Variants in C8A observed in about 807,000 individuals in gnomAD.
C8A encodes complement C8 alpha chain.
A neutral mutation model predicts 65.3 loss-of-function variants in C8A; 67 were observed. The ratio of observed to expected loss-of-function variants is 1.03; its 90% confidence interval spans 0.84 to 1.26. C8A has a LOEUF of 1.26. Among genes scored for constraint, C8A ranks in the 50% most tolerant of loss-of-function variants. The pLI is 0.00. For synonymous variants in C8A, 290 were observed against 259.4 expected (o/e 1.12, Z -1.13); for missense variants, 781 against 723.9 (o/e 1.08, Z -0.90).
At chr1:56,875,491 A>T (rs930635587) in intron 3 of C8A, among the ~76,000 whole-genome samples, 10 of 152,174 alleles carry the variant, frequency 6.6e-5, no homozygotes, top group Non-Finnish European at 1.5e-5. Flanking sequence ...TGTGATAGCC[A>T]TGGGCACATG....
intron 1 of C8A, among the ~76,000 whole-genome samples, chr1:56,855,506 G>C (rs1373093619): frequency 6.6e-6 from 1 of 152,106 alleles, no homozygotes; most frequent in Non-Finnish European, 1.5e-5. Context: ...CTATAGAGAT[G>C]CTGGGTCATT....
At chr1:56,877,916 T>C in intron 4 of C8A, among the ~76,000 whole-genome samples, 1 of 152,156 alleles carries the variant, frequency 6.6e-6, no homozygotes, top group East Asian at 1.9e-4. Flanking sequence ...TATAAAAAGA[T>C]GAGAAAATTC....
chr1:56,906,391 C>T (rs1644463906), intron 7 of C8A, among the ~76,000 whole-genome samples: 1 of 152,044 alleles, frequency 6.6e-6, no homozygotes, highest in South Asian at 2.1e-4. Context: ...AGAATTATTG[C>T]CTCAAGGTGG....
chr1:56,875,057 G>T lies in C8A; in HGVS notation c.280G>T (p.Ala94Ser), dbSNP rs1393039255. ...CAGTTCTACAACTTGTGTAAGGCAAGCACAGTGTGGACAGGATTTCCAGTG... is the reference window on the plus strand; with the variant it reads ...CAGTTCTACAACTTGTGTAAGGCAATCACAGTGTGGACAGGATTTCCAGTG... ...CSSSTTCVRQAQCGQDFQCKE... is the reference protein window; with the variant it reads ...CSSSTTCVRQSQCGQDFQCKE... Residue 94 changes from alanine (A) to serine (S), a missense_variant, in exon 3 of 11, where the codon GCA (alanine) becomes TCA (serine). Physicochemically the swap from Ala to Ser is moderately conservative, Grantham distance 99. Coordinates refer to ENST00000361249, the MANE Select transcript of C8A (RefSeq NM_000562.3). 1.9e-6 allele frequency: 3 copies of T among 1,613,694 alleles called. No homozygotes were observed. The highest frequency in any genetic ancestry group is 2.5e-6 in the Non-Finnish European group (3 of 1,179,756).
At chr1:56,911,085 A>C (rs1056951507) in intron 9 of C8A, among the ~76,000 whole-genome samples, 1 of 120,780 alleles carries the variant, frequency 8.3e-6, no homozygotes, top group Non-Finnish European at 1.7e-5. Context: ...TTTTTTTACT[A>C]TTATCACATA....
chr1:56,859,112 C>T (rs1038729992), intron 1 of C8A, among the ~76,000 whole-genome samples: 1 of 152,138 alleles, frequency 6.6e-6, no homozygotes, highest in Admixed American at 6.5e-5. Flanking sequence ...AATGCATAGG[C>T]TTTGGAGTCT....
rs1355159658 is a variant in C8A, at chr1:56,885,441, T to G, written c.856-486T>G. 1.6e-3 allele frequency among the ~76,000 whole-genome samples: 196 copies of G among 123,572 alleles called. 4 individuals carry two copies. Among genetic ancestry groups the G allele is most frequent in the Middle Eastern group, 0.013 (3 of 236 alleles). 81.1% of individuals were successfully genotyped at this position (123,572 alleles called of 152,430 possible). ...ATATATATTTAAATATATATTTAAG[T>G]AAATATATATATATTTCCGTAAATA... On this transcript the variant is annotated intron_variant, in intron 6 of 10. Coordinates refer to ENST00000361249, the MANE Select transcript of C8A (RefSeq NM_000562.3).
intron 10 of C8A, among the ~76,000 whole-genome samples, chr1:56,915,241 T>C (rs971729269): frequency 2.6e-5 from 4 of 152,258 alleles, no homozygotes; most frequent in Admixed American, 6.5e-5. Flanking sequence ...GCCTGTGTCC[T>C]GTGGGAGGTA....
chr1:56,885,784 T>C lies in C8A; in HGVS notation c.856-143T>C, dbSNP rs1644294611. The C allele has an allele frequency of 2.0e-5, 21 of 1,075,282 alleles. No individual in the cohort carries two copies. The South Asian group carries it at 2.7e-4, about 14-fold the overall frequency. The allele number at this position is 1,075,282 out of a possible 1,614,324, so 66.6% of individuals were successfully genotyped here. A position where few individuals can be genotyped will look rare whatever the true frequency, so the allele number is the denominator to read the frequency against. Reference sequence around the variant, plus strand: ...CCAGGATGGTCTCGATCTCCTGACCTTGTGATCCTCCAGCTTCTGCCTCCC... The same window carrying C: ...CCAGGATGGTCTCGATCTCCTGACCCTGTGATCCTCCAGCTTCTGCCTCCC... On this transcript the variant is annotated intron_variant, in intron 6 of 10. Transcript: ENST00000361249.
chr1:56,856,756 A>G (rs940389887), intron 1 of C8A, among the ~76,000 whole-genome samples: 4 of 152,098 alleles, frequency 2.6e-5, no homozygotes, highest in African/African-American at 9.6e-5. Flanking sequence ...GAAGGAAGTT[A>G]TAATCTTCAG....
intron 4 of C8A, among the ~76,000 whole-genome samples, chr1:56,879,827 G>T (rs901966083): frequency 1.3e-5 from 2 of 152,158 alleles, no homozygotes; most frequent in Non-Finnish European, 2.9e-5. Context: ...TCTACAATCT[G>T]CCAGGTGCTC....
intron 7 of C8A, among the ~76,000 whole-genome samples, chr1:56,897,441 A>G (rs1193775516): frequency 1.3e-5 from 2 of 152,204 alleles, no homozygotes; most frequent in Non-Finnish European, 2.9e-5. Flanking sequence ...TAGACTGCTG[A>G]GTTGAAGATT....
At chr1:56,911,580 G>C (rs1168335568) in intron 9 of C8A, among the ~76,000 whole-genome samples, 3 of 152,220 alleles carry the variant, frequency 2.0e-5, no homozygotes, top group African/African-American at 4.8e-5. Context: ...CTGGAAGGGG[G>C]CTGCTGGCAT....
At chr1:56,881,737 T>C in intron 5 of C8A, 103 bp downstream of exon 5, 1 of 1,138,282 alleles carries the variant, frequency 8.8e-7, no homozygotes, top group Non-Finnish European at 1.3e-6. Flanking sequence ...TTGTTTTCTA[T>C]AAAGTTTGCT....
In C8A at chr1:56,868,048, CA is replaced by C. The variant is rs1234870549; in HGVS notation, c.171+349del. Among the ~76,000 whole-genome samples the C allele has an allele frequency of 2.0e-5, 3 of 152,126 alleles. No homozygotes were observed. In the East Asian group the frequency reaches 5.8e-4, roughly 30 times the overall value. On this transcript the variant is annotated intron_variant, in intron 2 of 10. Transcript: ENST00000361249. ...GAAGTAATAGCTTAGAAACAAAATA[CA>C]AAGCTGCCCATGAGGAGATGAGATA... is the stretch of plus-strand genomic sequence containing the variant.
At chr1:56,889,826 C>CA (rs1336901520) in intron 7 of C8A, among the ~76,000 whole-genome samples, 4 of 151,992 alleles carry the variant, frequency 2.6e-5, no homozygotes, top group Non-Finnish European at 5.9e-5. Context: ...GCTTCTCCCC[C>CA]AAAGACAGCA....
Position 56,906,748 on chromosome 1 carries a change from G to A in C8A, c.1178G>A (p.Gly393Asp), listed in dbSNP as rs574061980. 2 of 1,614,070 alleles carry A rather than the reference G, an allele frequency of 1.2e-6. No individual in the cohort carries two copies. The highest frequency in any genetic ancestry group is 1.3e-5 in the African/African-American group (1 of 75,042). Residue 393 changes from glycine (G) to aspartate (D), a missense_variant, in exon 8 of 11, where the codon GGT (glycine) becomes GAT (aspartate). Physicochemically the swap from Gly to Asp is moderately conservative, Grantham distance 94. Coordinates refer to ENST00000361249, the MANE Select transcript of C8A (RefSeq NM_000562.3). Reference sequence around the variant, plus strand: ...GAAGACAAAATAAATGTTGGTGGAGGTTTATCAGGAGACCATTGTAAAAAA... The same window carrying A: ...GAAGACAAAATAAATGTTGGTGGAGATTTATCAGGAGACCATTGTAAAAAA... ...QYEDKINVGG[G>D]LSGDHCKKFG...
intron 7 of C8A, among the ~76,000 whole-genome samples, chr1:56,905,357 GTGACTGGAAT>G (rs1455552642): frequency 6.6e-6 from 1 of 152,230 alleles, no homozygotes; most frequent in African/African-American, 2.4e-5. Context: ...CAGGGTGTTA[GTGACTGGAAT>G]TTGAATTTAG....
chr1:56,890,320 T>G (rs1287318302), intron 7 of C8A, among the ~76,000 whole-genome samples: 2 of 152,272 alleles, frequency 1.3e-5, no homozygotes, highest in Admixed American at 6.5e-5. Flanking sequence ...CCTTCTCCCA[T>G]AGTTTCATCT....
Sources: allele counts gnomAD v4.1 joint callset (sites outside exome capture counted in the v4.1 genomes callset), GRCh38; gene constraint gnomAD v4.1.1; transcripts MANE v1.5; gene names NCBI Gene and HGNC (gene_info 2026-07-23, HGNC 2026-07-21).